DCLK1: variants seen among roughly 807,000 people sequenced by gnomAD.
The protein encoded by DCLK1 is serine/threonine-protein kinase DCLK1.
A neutral mutation model predicts 86.2 loss-of-function variants in DCLK1; 16 were observed. That is an observed-to-expected ratio of 0.19 (90% CI 0.13 to 0.28). DCLK1 has a LOEUF of 0.28. Among genes scored for constraint, DCLK1 ranks in the 10% least tolerant of loss-of-function variants. DCLK1 has a pLI of 1.00. For missense variants in DCLK1, 590 were observed against 940.2 expected, an observed-to-expected ratio of 0.63 and a Z score of 4.87; for synonymous variants, 369 against 370.5, an observed-to-expected ratio of 1.00 and a Z score of 0.05.
In DCLK1 at chr13:35,826,523, CAAAA is replaced by C. The variant is rs533243711; in HGVS notation, c.1407+1108_1407+1111del. 2.0e-3 allele frequency among the ~76,000 whole-genome samples: 40 copies of C among 19,826 alleles called. 16 individuals are homozygous for C. Among genetic ancestry groups the C allele is most frequent in the South Asian group, 8.5e-3 (4 of 470 alleles). The allele number at this position is 19,826 out of a possible 152,430, so 13.0% of individuals were successfully genotyped here. ...GGGCAGCAAGAGCAAAACTCCATCT[CAAAA>C]AAAAAAAAAAAAAAAGAAAGAAAGA... On this transcript the variant is annotated intron_variant, in intron 10 of 16. Transcript: ENST00000360631.
intron 15 of DCLK1, among the ~76,000 whole-genome samples, chr13:35,795,707 G>C (rs1400791132): frequency 1.3e-5 from 2 of 152,168 alleles, no homozygotes; most frequent in Non-Finnish European, 2.9e-5. Flanking sequence ...GATCACCTGA[G>C]GTCGGGAGTA....
intron 3 of DCLK1, among the ~76,000 whole-genome samples, chr13:35,956,504 C>G (rs1483817532): frequency 6.6e-6 from 1 of 152,026 alleles, no homozygotes; most frequent in Admixed American, 6.6e-5. Context: ...TTTTGGAGAT[C>G]CTTAAGGGGT....
chr13:35,840,639 T>C (rs1483375864), intron 6 of DCLK1, among the ~76,000 whole-genome samples: 1 of 152,200 alleles, frequency 6.6e-6, no homozygotes, highest in Non-Finnish European at 1.5e-5. Context: ...GTAAGCCTGG[T>C]GACTTGAGCT....
chr13:35,933,295 G>A (rs963088434), intron 4 of DCLK1, among the ~76,000 whole-genome samples: 16 of 152,132 alleles, frequency 1.1e-4, no homozygotes, highest in Non-Finnish European at 2.2e-4. Flanking sequence ...CCAGGTGCAT[G>A]GTGCAAGCTG....
intron 3 of DCLK1, among the ~76,000 whole-genome samples, chr13:35,969,827 C>T (rs774906643): frequency 3.1e-4 from 47 of 152,072 alleles, no homozygotes; most frequent in Non-Finnish European, 4.7e-4. Flanking sequence ...AGAAGTGGCA[C>T]CTTTGGGATG....
intron 4 of DCLK1, among the ~76,000 whole-genome samples, chr13:35,887,021 C>G (rs1394134881): frequency 6.6e-6 from 1 of 152,220 alleles, no homozygotes; most frequent in Non-Finnish European, 1.5e-5. Flanking sequence ...TGAATCCCAA[C>G]TGCCCTAAAT....
Position 35,772,505 on chromosome 13 carries a change from C to T in DCLK1, c.*2030G>A, listed in dbSNP as rs1462947811. On this transcript the variant is annotated 3_prime_UTR_variant, in exon 17 of 17. Transcript: ENST00000360631. ...TTCTAGAGAAAGCAGTAATTTCCAA[C>T]TAGTTCAGTGTTCCTCATTAATATG... 6.6e-6 allele frequency: 1 copy of T among 152,118 alleles called. No homozygotes were observed. The highest frequency in any genetic ancestry group is 1.5e-5 in the Non-Finnish European group (1 of 68,028). The allele number at this position is 152,118 out of a possible 1,614,324, so 9.4% of individuals were successfully genotyped here.
chr13:35,909,743 T>C (rs756041765), intron 4 of DCLK1, among the ~76,000 whole-genome samples: 4 of 151,866 alleles, frequency 2.6e-5, no homozygotes, highest in Admixed American at 6.6e-5. Flanking sequence ...AGGTGGAGTA[T>C]TGACAGATTC....
At chr13:35,899,401 T>C (rs912358670) in intron 4 of DCLK1, among the ~76,000 whole-genome samples, 2 of 149,362 alleles carry the variant, frequency 1.3e-5, no homozygotes, top group African/African-American at 4.9e-5. Context: ...AAGAAGACAA[T>C]TAAGTGTACA....
At chr13:35,854,342 T>G (rs1870891122) in intron 6 of DCLK1, among the ~76,000 whole-genome samples, 157 bp downstream of exon 6, 1 of 152,188 alleles carries the variant, frequency 6.6e-6, no homozygotes, top group Admixed American at 6.5e-5. Context: ...AGCCCTGAGT[T>G]CTAGCTAAAC....
intron 3 of DCLK1, among the ~76,000 whole-genome samples, chr13:36,021,963 G>A (rs920639563): frequency 6.6e-6 from 1 of 151,944 alleles, no homozygotes; most frequent in African/African-American, 2.4e-5. Context: ...TCTCAACAGA[G>A]ACATAGAATA....
At chr13:36,051,834 A>G (rs1883133534) in intron 3 of DCLK1, among the ~76,000 whole-genome samples, 1 of 152,170 alleles carries the variant, frequency 6.6e-6, no homozygotes, top group South Asian at 2.1e-4. Context: ...CTGAACTTCA[A>G]TACTTTCCTT....
intron 3 of DCLK1, among the ~76,000 whole-genome samples, chr13:36,020,742 A>G (rs1881742197): frequency 6.6e-6 from 1 of 152,152 alleles, no homozygotes. Flanking sequence ...AAAGAAAAAA[A>G]AAACTATCAA....
chr13:35,968,337 C>T (rs1290038330), intron 3 of DCLK1, among the ~76,000 whole-genome samples: 5 of 152,178 alleles, frequency 3.3e-5, no homozygotes, highest in Admixed American at 6.5e-5. Context: ...ACATTGTGGA[C>T]ATACTTAATG....
At chr13:35,983,802 C>A (rs1373625483) in intron 3 of DCLK1, among the ~76,000 whole-genome samples, 1 of 152,152 alleles carries the variant, frequency 6.6e-6, no homozygotes, top group South Asian at 2.1e-4. Flanking sequence ...CTAGTGAATA[C>A]AGGAGACAGC....
At chr13:36,037,522 T>C (rs1360289534) in intron 3 of DCLK1, among the ~76,000 whole-genome samples, 1 of 152,132 alleles carries the variant, frequency 6.6e-6, no homozygotes, top group African/African-American at 2.4e-5. Flanking sequence ...CTCCCTCTGT[T>C]GCCCAGGCTG....
intron 4 of DCLK1, among the ~76,000 whole-genome samples, chr13:35,936,545 A>G (rs927755500): frequency 1.3e-5 from 2 of 152,232 alleles, no homozygotes; most frequent in African/African-American, 4.8e-5. Context: ...ATTCCAAAAG[A>G]GGGGCGATGC....
chr13:35,793,225 T>C (rs1007963984), intron 16 of DCLK1, 141 bp downstream of exon 16: 2 of 523,172 alleles, frequency 3.8e-6, no homozygotes, highest in East Asian at 3.0e-5. Context: ...GTCCCATACC[T>C]CCTCTAGTGC....
intron 3 of DCLK1, among the ~76,000 whole-genome samples, chr13:35,950,122 T>C (rs1022332331): frequency 9.9e-5 from 15 of 152,168 alleles, no homozygotes; most frequent in African/African-American, 3.4e-4. Flanking sequence ...CAACTTCCCA[T>C]TGGAAAAGGT....
Sources: gnomAD v4.1 joint callset for allele counts (sites outside exome capture counted in the v4.1 genomes callset) on GRCh38, gnomAD v4.1.1 for gene constraint, MANE v1.5 for transcripts, NCBI Gene and HGNC (gene_info 2026-07-23, HGNC 2026-07-21) for gene names.